The following RABL3 variants were observed in gnomAD, a reference collection of about 807,000 sequenced individuals.
The protein encoded by RABL3 is RAB, member of RAS oncogene family like 3.
Under a neutral mutation model 31.8 loss-of-function variants are expected in RABL3, and 31 were observed. That is an observed-to-expected ratio of 0.97 (90% CI 0.73 to 1.31). The LOEUF is 1.31. RABL3 is among the 40% of genes most tolerant of loss of function. The pLI, the probability that RABL3 is intolerant of heterozygous loss-of-function variation, is 0.00. For missense variants in RABL3, 263 were observed against 279.6 expected (o/e 0.94, Z 0.42); for synonymous variants, 97 against 99.9 (o/e 0.97, Z 0.18).
At chr3:120,725,642 T>G (rs1282292779) in intron 2 of RABL3, among the ~76,000 whole-genome samples, 1 of 152,192 alleles carries the variant, frequency 6.6e-6, no homozygotes, top group Non-Finnish European at 1.5e-5. Flanking sequence ...TTCATGTCCT[T>G]TGTAGGGACA....
intron 1 of RABL3, among the ~76,000 whole-genome samples, chr3:120,742,171 T>C (rs1709052440): frequency 6.6e-6 from 1 of 151,996 alleles, no homozygotes. Flanking sequence ...TTTTTTTTTT[T>C]TTTAATAAAA....
Position 120,694,570 on chromosome 3 carries a change from G to A in RABL3, c.535-346C>T, listed in dbSNP as rs188998700. On this transcript the variant is annotated intron_variant, in intron 5 of 7. Transcript: ENST00000273375. Reference sequence around the variant, plus strand: ...CTACATTTACCCCGAAAACCAGAGAGAGAGAGCCATGAAAAACAGTAAGCA... The same window carrying A: ...CTACATTTACCCCGAAAACCAGAGAAAGAGAGCCATGAAAAACAGTAAGCA... Among the ~76,000 whole-genome samples, 146 of 152,170 alleles carry A rather than the reference G, an allele frequency of 9.6e-4. 2 individuals carry two copies. Among genetic ancestry groups the A allele is most frequent in the African/African-American group, 2.9e-3 (121 of 41,544 alleles).
chr3:120,725,689 T>C (rs1215081403), intron 2 of RABL3, among the ~76,000 whole-genome samples: 3 of 152,128 alleles, frequency 2.0e-5, no homozygotes, highest in South Asian at 2.1e-4. Context: ...CAGCAAACTA[T>C]CGCAAGGACA....
intron 1 of RABL3, among the ~76,000 whole-genome samples, chr3:120,736,075 G>A (rs945394151): frequency 6.6e-6 from 1 of 152,090 alleles, no homozygotes; most frequent in Admixed American, 6.6e-5. Flanking sequence ...TGGTGCAGAG[G>A]TGAGTTCAAT....
chr3:120,709,106 T>C (rs1310360514), intron 3 of RABL3, among the ~76,000 whole-genome samples: 3 of 151,978 alleles, frequency 2.0e-5, no homozygotes, highest in Non-Finnish European at 4.4e-5. Context: ...GAAATTATGT[T>C]TCACAGTAAA....
chr3:120,698,947 A>T (rs1708467123), intron 4 of RABL3, among the ~76,000 whole-genome samples: 1 of 152,228 alleles, frequency 6.6e-6, no homozygotes, highest in Non-Finnish European at 1.5e-5. Context: ...GAGTAGAAGC[A>T]GAGAGTGGAT....
intron 4 of RABL3, among the ~76,000 whole-genome samples, chr3:120,701,154 C>G (rs530293900): frequency 1.8e-4 from 28 of 152,092 alleles, no homozygotes; most frequent in African/African-American, 6.7e-4. Flanking sequence ...GATATATATT[C>G]TCTGCATTTT....
At chr3:120,729,052 C>A (rs577265431) in intron 2 of RABL3, among the ~76,000 whole-genome samples, 1 of 152,142 alleles carries the variant, frequency 6.6e-6, no homozygotes, top group Admixed American at 6.6e-5. Flanking sequence ...ACTATAGATG[C>A]CTTTTTGAAA....
In RABL3 at chr3:120,686,936, T is replaced by TG. The variant is rs1264738192; in HGVS notation, c.*2886dup. On this transcript the variant is annotated 3_prime_UTR_variant, in exon 8 of 8. Transcript: ENST00000273375. ...GGGTACCTATGGAATGAAGGTTTTA[T>TG]GATCTACTTCAGGGAACAGTCACTT... The TG allele has an allele frequency of 6.6e-6, 1 of 152,198 alleles. No homozygotes were observed. Among genetic ancestry groups the TG allele is most frequent in the African/African-American group, 2.4e-5 (1 of 41,462 alleles). The allele number at this position is 152,198 out of a possible 1,614,324, so 9.4% of individuals were successfully genotyped here.
intron 4 of RABL3, among the ~76,000 whole-genome samples, chr3:120,703,945 C>T (rs1005563025): frequency 1.3e-5 from 2 of 152,134 alleles, no homozygotes; most frequent in Non-Finnish European, 2.9e-5. Context: ...CCTCCAGGCC[C>T]AGATGGTCTC....
intron 3 of RABL3, among the ~76,000 whole-genome samples, chr3:120,709,538 T>A (rs1029196884): frequency 2.0e-5 from 3 of 152,112 alleles, no homozygotes; most frequent in African/African-American, 7.2e-5. Context: ...TATGATTTTA[T>A]TTCTCAATAT....
At chr3:120,704,907 TC>T (rs1171275597) in intron 4 of RABL3, among the ~76,000 whole-genome samples, 1 of 152,104 alleles carries the variant, frequency 6.6e-6, no homozygotes, top group African/African-American at 2.4e-5. Flanking sequence ...CAGCCAGGTA[TC>T]CCAGCTACTT....
At chr3:120,735,849 G>A (rs1708954303) in intron 1 of RABL3, among the ~76,000 whole-genome samples, 1 of 151,950 alleles carries the variant, frequency 6.6e-6, no homozygotes, top group African/African-American at 2.4e-5. Context: ...ATGCAGTTGA[G>A]CGGTTTTGAG....
At chr3:120,698,314 C>T (rs1708459778) in intron 5 of RABL3, 109 bp downstream of exon 5, 2 of 1,055,532 alleles carry the variant, frequency 1.9e-6, no homozygotes, top group Admixed American at 4.5e-5. Context: ...ATCCAAATAG[C>T]CTGATTTCAA....
chr3:120,709,910 C>T lies in RABL3; in HGVS notation c.139-1G>A. ...GGGTTCCTTCTTTGTAATCATGAAC[C>T]TAACAAATCAATCAATTAAAATAAT... On this transcript the variant is annotated splice_acceptor_variant, in intron 2 of 7. Transcript: ENST00000273375. LOFTEE classifies it high-confidence loss of function. 1 of 1,583,256 alleles carries T rather than the reference C, an allele frequency of 6.3e-7. No homozygotes were observed. Among genetic ancestry groups the T allele is most frequent in the East Asian group, 2.2e-5 (1 of 44,666 alleles).
chr3:120,727,128 T>C (rs1021390548), intron 2 of RABL3, among the ~76,000 whole-genome samples: 1 of 152,014 alleles, frequency 6.6e-6, no homozygotes, highest in Admixed American at 6.6e-5. Flanking sequence ...AAGAAGACAC[T>C]AAATTAAACC....
At chr3:120,727,630 A>G (rs530054533) in intron 2 of RABL3, among the ~76,000 whole-genome samples, 1 of 151,354 alleles carries the variant, frequency 6.6e-6, no homozygotes, top group African/African-American at 2.5e-5. Context: ...GAAAACCCAC[A>G]ATGAGATTAC....
intron 1 of RABL3, among the ~76,000 whole-genome samples, chr3:120,736,087 C>G (rs531940731): frequency 6.6e-6 from 1 of 152,140 alleles, no homozygotes; most frequent in Non-Finnish European, 1.5e-5. Flanking sequence ...GAGTTCAATT[C>G]CTGGATATGC....
Position 120,689,754 on chromosome 3 carries a change from T to C in RABL3, c.*69A>G, listed in dbSNP as rs868089435. ...TGTTAAAAGGCTGTGATGGTAATAA[T>C]TGAACACAGCAAGATGAGCTGTGAA... On this transcript the variant is annotated 3_prime_UTR_variant, in exon 8 of 8. Transcript: ENST00000273375. 97 of 1,046,530 alleles carry C rather than the reference T, an allele frequency of 9.3e-5. No individual in the cohort carries two copies. The highest frequency in any genetic ancestry group is 3.6e-4 in the African/African-American group (23 of 63,750). 64.8% of individuals were successfully genotyped at this position (1,046,530 alleles called of 1,614,324 possible).
Sources: allele counts gnomAD v4.1 joint callset (sites outside exome capture counted in the v4.1 genomes callset), GRCh38; gene constraint gnomAD v4.1.1; transcripts MANE v1.5; gene names NCBI Gene and HGNC (gene_info 2026-07-23, HGNC 2026-07-21).